The following AKAP19 variants were observed in gnomAD, a reference collection of about 807,000 sequenced individuals.
The protein encoded by AKAP19 is small A-kinase anchoring protein.
the AKAP19 span, among the ~76,000 whole-genome samples, chr2:190,041,075 C>G: frequency 6.6e-6 from 1 of 152,042 alleles, no homozygotes; most frequent in Non-Finnish European, 1.5e-5. Context: ...ATTCGTAGTT[C>G]GATGGAAGTA....
chr2:190,172,167 A>G, the AKAP19 span, among the ~76,000 whole-genome samples: 2 of 152,192 alleles, frequency 1.3e-5, no homozygotes, highest in East Asian at 1.9e-4. Flanking sequence ...ATATGCACTC[A>G]TTCCCTTCTT....
chr2:190,038,901 T>TTCTCCTTCTTC, the AKAP19 span, among the ~76,000 whole-genome samples: 9 of 46,002 alleles, frequency 2.0e-4, no homozygotes, highest in South Asian at 9.8e-4. Flanking sequence ...TCTTTCTTTC[T>TTCTCCTTCTTC]TTCTTCTTCT....
At chr2:189,989,592 C>T in the AKAP19 span, among the ~76,000 whole-genome samples, 1 of 151,938 alleles carries the variant, frequency 6.6e-6, no homozygotes, top group Non-Finnish European at 1.5e-5. Flanking sequence ...GAAAGGGTCA[C>T]AACATAAAAT....
At chr2:189,991,371 T>G in the AKAP19 span, among the ~76,000 whole-genome samples, 1 of 152,210 alleles carries the variant, frequency 6.6e-6, no homozygotes, top group Non-Finnish European at 1.5e-5. Context: ...ATTTTTTGAT[T>G]TTTAAATTAT....
At chr2:189,928,998 C>T in the AKAP19 span, among the ~76,000 whole-genome samples, 2 of 152,112 alleles carry the variant, frequency 1.3e-5, no homozygotes, top group African/African-American at 4.8e-5. Context: ...TTACCTCTAA[C>T]ACTTCAGAAG....
At chr2:190,125,351 T>C in the AKAP19 span, among the ~76,000 whole-genome samples, 46 of 152,154 alleles carry the variant, frequency 3.0e-4, no homozygotes, top group Non-Finnish European at 6.8e-4. Context: ...TGTGTCTATG[T>C]CCAATTGGTT....
At chr2:190,134,689 C>T in the AKAP19 span, among the ~76,000 whole-genome samples, 2 of 152,064 alleles carry the variant, frequency 1.3e-5, no homozygotes, top group Admixed American at 6.6e-5. Flanking sequence ...TTATTTAAGT[C>T]TCTGCAGGGA....
chr2:190,084,089 G>GGT, the AKAP19 span, among the ~76,000 whole-genome samples: 1 of 106,222 alleles, frequency 9.4e-6, no homozygotes, highest in African/African-American at 3.0e-5. Flanking sequence ...GTAGAGCTCA[G>GGT]GTTTTTTTTT....
At chr2:189,886,518 C>G in the AKAP19 span, among the ~76,000 whole-genome samples, 3 of 152,194 alleles carry the variant, frequency 2.0e-5, no homozygotes, top group African/African-American at 7.2e-5. Flanking sequence ...AAAACATAAT[C>G]TGTCCTCAAG....
At chr2:190,065,051 C>T in the AKAP19 span, among the ~76,000 whole-genome samples, 1 of 152,180 alleles carries the variant, frequency 6.6e-6, no homozygotes, top group South Asian at 2.1e-4. Flanking sequence ...TGAGGTCAAA[C>T]AAGGCAGGGT....
At chr2:189,963,051 A>G in the AKAP19 span, among the ~76,000 whole-genome samples, 2 of 152,080 alleles carry the variant, frequency 1.3e-5, no homozygotes, top group Non-Finnish European at 2.9e-5. Flanking sequence ...CTTTGTTGTC[A>G]TTTTAGCAAT....
chr2:190,032,311 C>T, the AKAP19 span, among the ~76,000 whole-genome samples: 1 of 152,108 alleles, frequency 6.6e-6, no homozygotes, highest in Non-Finnish European at 1.5e-5. Context: ...ATTGGGAGTA[C>T]TGGATGCCTC....
the AKAP19 span, among the ~76,000 whole-genome samples, chr2:190,001,199 C>A: frequency 6.6e-6 from 1 of 152,048 alleles, no homozygotes; most frequent in Non-Finnish European, 1.5e-5. Flanking sequence ...TATTGAGAAT[C>A]TCTATCTGTT....
the AKAP19 span, among the ~76,000 whole-genome samples, chr2:190,177,548 T>C: frequency 6.6e-6 from 1 of 152,216 alleles, no homozygotes; most frequent in African/African-American, 2.4e-5. The surrounding 1 kb of genome is among the most constrained non-coding windows in gnomAD (Gnocchi z 4.6). Context: ...AGGAGGTCCC[T>C]TCTGCCTCGC....
At chr2:189,918,844 C>T in the AKAP19 span, among the ~76,000 whole-genome samples, 1 of 152,108 alleles carries the variant, frequency 6.6e-6, no homozygotes, top group Non-Finnish European at 1.5e-5. Flanking sequence ...AGTACTGGCA[C>T]ATAGTATAGT....
At chr2:190,022,079 A>G in the AKAP19 span, among the ~76,000 whole-genome samples, 1 of 151,496 alleles carries the variant, frequency 6.6e-6, no homozygotes, top group Non-Finnish European at 1.5e-5. Flanking sequence ...ATGACAAGCC[A>G]TTGATCCATT....
the AKAP19 span, among the ~76,000 whole-genome samples, chr2:190,020,626 T>C: frequency 1.3e-5 from 2 of 152,214 alleles, no homozygotes; most frequent in Non-Finnish European, 2.9e-5. Flanking sequence ...TAACTATTTT[T>C]AAGTGTACAA....
At chr2:190,122,506 T>A in the AKAP19 span, among the ~76,000 whole-genome samples, 1 of 152,218 alleles carries the variant, frequency 6.6e-6, no homozygotes, top group Non-Finnish European at 1.5e-5. Flanking sequence ...CAGTTTCACT[T>A]TAGGGCAGAC....
chr2:189,970,929 A>G, the AKAP19 span, among the ~76,000 whole-genome samples: 2 of 152,140 alleles, frequency 1.3e-5, no homozygotes, highest in Non-Finnish European at 2.9e-5. Context: ...TTGATTACTT[A>G]TGAGGTTGAT....
Sources: allele counts gnomAD v4.1 joint callset (sites outside exome capture counted in the v4.1 genomes callset), GRCh38; gene constraint gnomAD v4.1.1; non-coding constraint Gnocchi (gnomAD v3.1); transcripts MANE v1.5; gene names NCBI Gene and HGNC (gene_info 2026-07-23, HGNC 2026-07-21).